LINGO1: variants seen among roughly 807,000 people sequenced by gnomAD.
LINGO1 encodes leucine-rich repeat and immunoglobulin-like domain-containing nogo receptor-interacting protein 1.
Under a neutral mutation model 37.3 loss-of-function variants are expected in LINGO1, and 11 were observed. The observed-to-expected ratio is 0.29, with a 90% confidence interval of 0.19 to 0.49. The LOEUF (loss-of-function observed/expected upper bound fraction) is 0.49, where lower values mean the gene tolerates loss of function less well. Among genes scored for constraint, LINGO1 ranks in the 20% least tolerant of loss-of-function variants. The pLI is 0.99. For synonymous variants in LINGO1, 387 were observed against 403.0 expected, an observed-to-expected ratio of 0.96 and a Z score of 0.48; for missense variants, 585 against 878.2, an observed-to-expected ratio of 0.67 and a Z score of 4.22.
chr15:77,762,178 A>G lies in LINGO1; in HGVS notation c.-257+24691T>C, dbSNP rs533053979. On this transcript the variant is annotated intron_variant, in intron 1 of 3. Transcript: ENST00000561686. ...AGCATTAAGCAGTCCTTGCTGGGGG[A>G]AGGCACAGTGGACCGAGGCGTGGGT... is the stretch of plus-strand genomic sequence containing the variant. 2.5e-4 allele frequency among the ~76,000 whole-genome samples: 38 copies of G among 152,268 alleles called. 1 individual carries two copies. Among genetic ancestry groups the G allele is most frequent in the Admixed American group, 2.0e-4 (3 of 15,298 alleles).
At chr15:77,805,104 C>T (rs1383797148) in intron 1 of LINGO1, among the ~76,000 whole-genome samples, 1 of 152,236 alleles carries the variant, frequency 6.6e-6, no homozygotes, top group African/African-American at 2.4e-5. Flanking sequence ...TTACTCTGGG[C>T]ACCAATGCAC....
rs77436998 is a variant in LINGO1, at chr15:77,778,388, G to A, written c.-257+8481C>T. On this transcript the variant is annotated intron_variant, in intron 1 of 3. Coordinates refer to the LINGO1 transcript ENST00000561686. ...TAGATTTCACAGGTTCCAGGGTTGCGGGCCTGGATATCATTGAAAGCCACT... is the reference window on the plus strand; with the variant it reads ...TAGATTTCACAGGTTCCAGGGTTGCAGGCCTGGATATCATTGAAAGCCACT... Among the ~76,000 whole-genome samples the A allele has an allele frequency of 1.0e-2, 1,518 of 152,284 alleles. 27 individuals are homozygous for A. Among genetic ancestry groups the A allele is most frequent in the African/African-American group, 0.036 (1,477 of 41,550 alleles).
intron 3 of LINGO1, among the ~76,000 whole-genome samples, chr15:77,644,874 C>T (rs1025245789): frequency 1.1e-4 from 17 of 152,258 alleles, no homozygotes; most frequent in South Asian, 4.2e-4. Flanking sequence ...TGGGTGGGCT[C>T]TCCTCTATGG....
At chr15:77,626,582 C>G (rs2074096520) in intron 1 of LINGO1, among the ~76,000 whole-genome samples, 1 of 152,156 alleles carries the variant, frequency 6.6e-6, no homozygotes, top group Admixed American at 6.5e-5. Flanking sequence ...TACCCGGCTG[C>G]CCGTTCATAA....
At chr15:77,688,604 C>T (rs2075552220) in intron 2 of LINGO1, among the ~76,000 whole-genome samples, 1 of 152,162 alleles carries the variant, frequency 6.6e-6, no homozygotes, top group African/African-American at 2.4e-5. Flanking sequence ...ACCCGAGATG[C>T]CCCTAGGAAA....
chr15:77,677,752 A>T (rs1241636191), intron 2 of LINGO1, among the ~76,000 whole-genome samples: 1 of 151,728 alleles, frequency 6.6e-6, no homozygotes, highest in African/African-American at 2.4e-5. Flanking sequence ...ACCCTTCCTC[A>T]TTCTTCACTA....
chr15:77,723,002 G>A (rs937441416), intron 2 of LINGO1, among the ~76,000 whole-genome samples: 3 of 152,156 alleles, frequency 2.0e-5, no homozygotes, highest in Non-Finnish European at 4.4e-5. Flanking sequence ...CAGACAGGTC[G>A]GGGGCCCTCA....
chr15:77,663,291 T>G (rs1023332339), intron 3 of LINGO1, among the ~76,000 whole-genome samples: 1 of 151,688 alleles, frequency 6.6e-6, no homozygotes, highest in African/African-American at 2.4e-5. Flanking sequence ...TGGTCGGGGG[T>G]GGGGAGGCTT....
chr15:77,615,188 C>T lies in LINGO1; in HGVS notation c.719G>A (p.Arg240Gln), dbSNP rs758902124. 13 of 1,613,696 alleles carry T rather than the reference C, an allele frequency of 8.1e-6. No individual in the cohort carries two copies. Among genetic ancestry groups the T allele is most frequent in the African/African-American group, 1.3e-5 (1 of 75,014 alleles). The part of the protein sequence containing the change: ...IRDYSFKRLY[R>Q]LKVLEISHWP... Reference sequence around the variant, plus strand: ...GTGGGAGATCTCCAAGACCTTGAGTCGGTACAGCCTCTTGAAGGAGTAGTC... The same window carrying T: ...GTGGGAGATCTCCAAGACCTTGAGTTGGTACAGCCTCTTGAAGGAGTAGTC... The change falls in exon 2 of 2, where the codon CGA becomes CAA. Residue 240 changes from arginine to glutamine, a missense_variant. Physicochemically the swap from Arg to Gln is conservative, Grantham distance 43. Coordinates refer to ENST00000355300, the MANE Select transcript of LINGO1 (RefSeq NM_032808.7).
intron 2 of LINGO1, among the ~76,000 whole-genome samples, chr15:77,711,860 C>T (rs1215298246): frequency 6.7e-6 from 1 of 148,240 alleles, no homozygotes; most frequent in Admixed American, 6.8e-5. Flanking sequence ...CTTACCCTCT[C>T]TAGGCCTCTG....
At chr15:77,622,263 A>T (rs2073946093) in intron 1 of LINGO1, among the ~76,000 whole-genome samples, 1 of 151,164 alleles carries the variant, frequency 6.6e-6, no homozygotes, top group East Asian at 1.9e-4. Flanking sequence ...GAGGCTGCAG[A>T]GGAGAGGAAG....
At chr15:77,660,997 G>A (rs1371172024) in intron 3 of LINGO1, among the ~76,000 whole-genome samples, 3 of 152,136 alleles carry the variant, frequency 2.0e-5, no homozygotes, top group African/African-American at 4.8e-5. Context: ...CAAACAGAGT[G>A]GAAAATGAAG....
At chr15:77,766,034 C>G (rs751076060) in intron 1 of LINGO1, among the ~76,000 whole-genome samples, 5 of 152,068 alleles carry the variant, frequency 3.3e-5, no homozygotes, top group Non-Finnish European at 4.4e-5. Context: ...AGGTGGTACT[C>G]AATAAATGTT....
At chr15:77,800,166 G>C (rs946100012) in intron 1 of LINGO1, among the ~76,000 whole-genome samples, 3 of 152,232 alleles carry the variant, frequency 2.0e-5, no homozygotes, top group Non-Finnish European at 4.4e-5. Flanking sequence ...CTTCCAGAGA[G>C]AGAACCAGGC....
At position 77,632,296 on chromosome 15, in the gene LINGO1, GC is replaced by G; in HGVS notation, c.6+13del. The stretch of plus-strand genomic sequence containing the variant: ...GCTGCCCGCTCGGGGCTCGGCCGCG[GC>G]CGCCTGGCTCACCTGCATCTCGGGC... On this transcript the variant is annotated intron_variant, in intron 1 of 1. Coordinates refer to ENST00000355300, the MANE Select transcript of LINGO1 (RefSeq NM_032808.7). The surrounding 1 kb of genome is among the most constrained non-coding windows in gnomAD (Gnocchi z 6.0). The G allele has an allele frequency of 7.0e-7, 1 of 1,429,456 alleles. No individual in the cohort carries two copies. The highest frequency in any genetic ancestry group is 9.2e-7 in the Non-Finnish European group (1 of 1,092,592). The allele number at this position is 1,429,456 out of a possible 1,614,324, so 88.5% of individuals were successfully genotyped here.
At chr15:77,641,852 C>A (rs1239740105) in intron 3 of LINGO1, 1 of 456,354 alleles carries the variant, frequency 2.2e-6, no homozygotes, top group Non-Finnish European at 4.4e-6. Context: ...TCCTGCCCAG[C>A]CTGATAGGCT....
chr15:77,707,081 G>A (rs777965843), intron 2 of LINGO1, among the ~76,000 whole-genome samples: 5 of 152,244 alleles, frequency 3.3e-5, no homozygotes, highest in African/African-American at 1.2e-4. Flanking sequence ...GCCAGCAGCT[G>A]GGTGTTCTCG....
intron 1 of LINGO1, among the ~76,000 whole-genome samples, chr15:77,625,890 G>A (rs1468790765): frequency 9.9e-5 from 15 of 152,170 alleles, no homozygotes; most frequent in Admixed American, 9.8e-4. Context: ...CACTGCTGGG[G>A]GCGGAGAGTT....
At chr15:77,663,960 G>A (rs976739714) in intron 3 of LINGO1, among the ~76,000 whole-genome samples, 3 of 152,196 alleles carry the variant, frequency 2.0e-5, no homozygotes, top group Non-Finnish European at 4.4e-5. Flanking sequence ...CCAAGGCAGA[G>A]CCCCTCTGGC....
Sources: gnomAD v4.1 joint callset for allele counts (sites outside exome capture counted in the v4.1 genomes callset) on GRCh38, gnomAD v4.1.1 for gene constraint, Gnocchi (gnomAD v3.1) non-coding constraint, MANE v1.5 for transcripts, NCBI Gene and HGNC (gene_info 2026-07-23, HGNC 2026-07-21) for gene names.